Variants in LARGE1 observed in about 807,000 individuals in gnomAD.
The protein encoded by LARGE1 is xylosyl- and glucuronyltransferase LARGE1.
Under a neutral mutation model 87.6 loss-of-function variants are expected in LARGE1, and 43 were observed. The ratio of observed to expected loss-of-function variants is 0.49; its 90% CI spans 0.38 to 0.63. The LOEUF (loss-of-function observed/expected upper bound fraction) is 0.63. Ranked by LOEUF, LARGE1 falls within the 30% of genes least tolerant of loss-of-function variation. The pLI is 0.00. For synonymous variants in LARGE1, 434 were observed against 394.6 expected, an observed-to-expected ratio of 1.10 and a Z score of -1.18; for missense variants, 802 against 1,000.2, an observed-to-expected ratio of 0.80 and a Z score of 2.67.
chr22:33,582,557 G>A (rs1020220663), intron 5 of LARGE1, among the ~76,000 whole-genome samples: 4 of 152,192 alleles, frequency 2.6e-5, no homozygotes, highest in Non-Finnish European at 1.5e-5. Flanking sequence ...CTGATTCAGG[G>A]ACATCTCTCT....
At chr22:33,165,737 G>A (rs1401116636) in exon 12 of LARGE1, 3 of 152,150 alleles carry the variant, frequency 2.0e-5, no homozygotes, top group Non-Finnish European at 4.4e-5. Context: ...CTGGGTCAAT[G>A]TTTCCTTCGA....
At chr22:33,382,650 T>C (rs2065196772) in intron 8 of LARGE1, among the ~76,000 whole-genome samples, 1 of 152,186 alleles carries the variant, frequency 6.6e-6, no homozygotes, top group African/African-American at 2.4e-5. Flanking sequence ...CTCCAAGCTG[T>C]TGCACCAGGC....
At chr22:33,102,465 C>T in the LARGE1 span, among the ~76,000 whole-genome samples, 1 of 152,042 alleles carries the variant, frequency 6.6e-6, no homozygotes, top group Non-Finnish European at 1.5e-5. Context: ...GCCACTGCAC[C>T]TGGGCCCCCC....
chr22:33,869,595 C>T (rs1171319979), intron 1 of LARGE1, among the ~76,000 whole-genome samples: 2 of 152,246 alleles, frequency 1.3e-5, no homozygotes, highest in East Asian at 3.9e-4. Context: ...AAACACCAGG[C>T]ACAAAAGGAG....
chr22:33,267,809 T>G (rs1246527135), downstream of LARGE1, among the ~76,000 whole-genome samples: 1 of 151,612 alleles, frequency 6.6e-6, no homozygotes, highest in Non-Finnish European at 1.5e-5. Flanking sequence ...CTTCTCAATA[T>G]TAAATGTTGA....
intron 1 of LARGE1, among the ~76,000 whole-genome samples, chr22:33,792,370 G>A (rs537206356): frequency 4.6e-5 from 7 of 152,238 alleles, no homozygotes; most frequent in East Asian, 3.9e-4. Flanking sequence ...CCTTGCTCCC[G>A]CCATGTGAAG....
rs914055019 is a variant in LARGE1 at position 33,754,622 on chromosome 22, C to T, written c.106+6749G>A. On this transcript the variant is annotated intron_variant, in intron 2 of 14. Coordinates refer to ENST00000397394, the MANE Select transcript of LARGE1 (RefSeq NM_133642.5). ...AAGTGCTGGGATTACAGGCGTGAGC[C>T]ACCGTGCCCGGCCAGCTCTTCATTT... is the stretch of plus-strand genomic sequence containing the variant. Among the ~76,000 whole-genome samples the T allele has an allele frequency of 2.0e-5, 3 of 152,198 alleles. No individual in the cohort carries two copies. The South Asian group carries it at 6.2e-4, about 32-fold the overall frequency.
chr22:33,652,685 C>T (rs962404626), intron 2 of LARGE1, among the ~76,000 whole-genome samples: 6 of 152,198 alleles, frequency 3.9e-5, no homozygotes, highest in Admixed American at 1.3e-4. Context: ...TCAAAACTGT[C>T]CCAGAGAGTC....
chr22:33,125,434 C>T, the LARGE1 span, among the ~76,000 whole-genome samples: 5 of 146,060 alleles, frequency 3.4e-5, no homozygotes, highest in Admixed American at 7.0e-5. Flanking sequence ...GACGAGTACA[C>T]ATCCTGCTTT....
At chr22:33,788,639 G>T (rs1041632718) in intron 1 of LARGE1, among the ~76,000 whole-genome samples, 14 of 152,194 alleles carry the variant, frequency 9.2e-5, no homozygotes, top group African/African-American at 1.4e-4. Context: ...ATGGAGATAA[G>T]AAACTTGTTG....
chr22:33,206,388 G>C (rs1338989491), intron 11 of LARGE1, among the ~76,000 whole-genome samples: 1 of 152,140 alleles, frequency 6.6e-6, no homozygotes, highest in Non-Finnish European at 1.5e-5. Context: ...CACCGTGACT[G>C]ACCAAATTGC....
At chr22:33,111,017 C>A in the LARGE1 span, among the ~76,000 whole-genome samples, 2 of 152,142 alleles carry the variant, frequency 1.3e-5, no homozygotes, top group Non-Finnish European at 2.9e-5. Context: ...GTTGAGCATG[C>A]TTTAAAGAAT....
chr22:33,278,743 T>C (rs781082373), intron 13 of LARGE1, among the ~76,000 whole-genome samples: 1 of 152,080 alleles, frequency 6.6e-6, no homozygotes, highest in South Asian at 2.1e-4. Flanking sequence ...TTTTTTGGGA[T>C]GGAGTCTCGC....
chr22:33,678,475 C>T (rs7284268), intron 2 of LARGE1, among the ~76,000 whole-genome samples: 77,706 of 152,038 alleles, frequency 0.51, 20,274 homozygotes, highest in African/African-American at 0.62. Context: ...TGACTGACAT[C>T]GCAAAGAATT....
At chr22:33,398,922 T>C (rs942651647) in intron 7 of LARGE1, among the ~76,000 whole-genome samples, 9 of 152,176 alleles carry the variant, frequency 5.9e-5, no homozygotes, top group African/African-American at 2.2e-4. Flanking sequence ...GTGGTTTGGC[T>C]AACACCTTCA....
At chr22:33,776,336 G>A (rs2085236526) in intron 1 of LARGE1, among the ~76,000 whole-genome samples, 1 of 152,184 alleles carries the variant, frequency 6.6e-6, no homozygotes, top group African/African-American at 2.4e-5. Flanking sequence ...GGGTGACACA[G>A]GTACAGAAGC....
chr22:33,261,610 GAA>G (rs537597848), intron 11 of LARGE1, among the ~76,000 whole-genome samples: 1 of 144,962 alleles, frequency 6.9e-6, no homozygotes, highest in Non-Finnish European at 1.5e-5. Context: ...AATCAAAAAA[GAA>G]AAAAAAAAAG....
chr22:33,238,396 C>A (rs1018011729), intron 11 of LARGE1, among the ~76,000 whole-genome samples: 1 of 152,106 alleles, frequency 6.6e-6, no homozygotes, highest in African/African-American at 2.4e-5. Flanking sequence ...AGTAATATAT[C>A]TATAATCATA....
chr22:33,823,618 A>G (rs1394059471), intron 1 of LARGE1, among the ~76,000 whole-genome samples: 1 of 152,174 alleles, frequency 6.6e-6, no homozygotes, highest in East Asian at 1.9e-4. Context: ...TGCCCTCCGC[A>G]TCTGAGGACA....
Sources: gnomAD v4.1 joint callset for allele counts (sites outside exome capture counted in the v4.1 genomes callset) on GRCh38, gnomAD v4.1.1 for gene constraint, MANE v1.5 for transcripts, NCBI Gene and HGNC (gene_info 2026-07-23, HGNC 2026-07-21) for gene names.